Variants in ANXA3 observed in about 807,000 individuals in gnomAD.
ANXA3 encodes the protein 35-alpha calcimedin.
Under a neutral mutation model 48.8 loss-of-function variants are expected in ANXA3, and 46 were observed. The observed-to-expected ratio is 0.94, with a 90% CI of 0.74 to 1.21. ANXA3 has a LOEUF of 1.21. Ranked by LOEUF, ANXA3 falls within the 50% of genes most tolerant of loss-of-function variation. The pLI, the probability that ANXA3 is intolerant of heterozygous loss-of-function variation, is 0.00. For synonymous variants in ANXA3, 128 were observed against 134.7 expected, an observed-to-expected ratio of 0.95 and a Z score of 0.35; for missense variants, 383 against 378.6, an observed-to-expected ratio of 1.01 and a Z score of -0.10.
chr4:78,586,444 T>C, intron 6 of ANXA3, 94 bp downstream of exon 6: 1 of 867,618 alleles, frequency 1.2e-6, no homozygotes, highest in South Asian at 1.6e-5. Context: ...CATGAGGCAT[T>C]TTGAGAAGAC....
chr4:78,591,680 T>C (rs1723298978), intron 7 of ANXA3, 57 bp downstream of exon 7: 1 of 1,252,510 alleles, frequency 8.0e-7, no homozygotes, highest in Admixed American at 1.8e-5. Context: ...TCAATAACAA[T>C]TTTTAGGGAG....
At chr4:78,588,536 T>A (rs541501191) in intron 6 of ANXA3, among the ~76,000 whole-genome samples, 1 of 152,178 alleles carries the variant, frequency 6.6e-6, no homozygotes, top group Non-Finnish European at 1.5e-5. Context: ...GAAGCTAGAA[T>A]GAGGGACATA....
Position 78,598,071 on chromosome 4 carries a change from G to A in ANXA3, c.730+657G>A, listed in dbSNP as rs147349959. Among the ~76,000 whole-genome samples, 518 of 152,060 alleles carry A rather than the reference G, an allele frequency of 3.4e-3. 4 individuals carry two copies. Among genetic ancestry groups the A allele is most frequent in the Middle Eastern group, 0.024 (7 of 294 alleles). Reference sequence around the variant, plus strand: ...GTAGGCAAAGCACAGTGGCATGCACGTGTAGTCTTACCTACTTGGGAGGCT... The same window carrying A: ...GTAGGCAAAGCACAGTGGCATGCACATGTAGTCTTACCTACTTGGGAGGCT... On this transcript the variant is annotated intron_variant, in intron 10 of 12. Transcript: ENST00000264908.
intron 2 of ANXA3, among the ~76,000 whole-genome samples, chr4:78,559,406 C>T (rs1722582605): frequency 6.6e-6 from 1 of 152,090 alleles, no homozygotes; most frequent in African/African-American, 2.4e-5. Context: ...TTTAAATTAA[C>T]TCACAATCAT....
intron 12 of ANXA3, among the ~76,000 whole-genome samples, chr4:78,609,095 G>C (rs1323497624): frequency 6.6e-6 from 1 of 152,090 alleles, no homozygotes; most frequent in Non-Finnish European, 1.5e-5. Context: ...AAATGAACAA[G>C]AAATAAAGAA....
intron 2 of ANXA3, among the ~76,000 whole-genome samples, chr4:78,564,407 C>T (rs987023300): frequency 6.6e-6 from 1 of 152,116 alleles, no homozygotes; most frequent in African/African-American, 2.4e-5. Flanking sequence ...TAGTGTAGAG[C>T]TTGGAGAAAG....
rs753843147 is a variant in ANXA3, at chr4:78,579,063, A to C, written c.140A>C (p.Glu47Ala). 1.2e-6 allele frequency: 2 copies of C among 1,612,642 alleles called. No individual in the cohort carries two copies. Among genetic ancestry groups the C allele is most frequent in the African/African-American group, 2.7e-5 (2 of 74,912 alleles). ...AAAATGCTCATCAGCATTCTGACTG[A>C]GAGGTCAAATGCACAGCGGCAGCTG... Reference protein sequence around the residue: ...DEKMLISILTERSNAQRQLIV... With the variant: ...DEKMLISILTARSNAQRQLIV... Residue 47 changes from glutamate to alanine, a missense_variant, in exon 4 of 13, where the codon GAG becomes GCG. Coordinates refer to ENST00000264908, the MANE Select transcript of ANXA3 (RefSeq NM_005139.3).
chr4:78,555,400 T>G (rs1400511830), intron 2 of ANXA3, among the ~76,000 whole-genome samples: 1 of 151,944 alleles, frequency 6.6e-6, no homozygotes, highest in Admixed American at 6.6e-5. Flanking sequence ...AGGGAAAAAA[T>G]ATTTGCAGCA....
At chr4:78,565,694 G>A (rs572501928) in intron 2 of ANXA3, among the ~76,000 whole-genome samples, 5 of 152,264 alleles carry the variant, frequency 3.3e-5, no homozygotes, top group Middle Eastern at 3.4e-3. Flanking sequence ...TGTCTTAACC[G>A]CTCTGGACCC....
At chr4:78,586,146 T>C in intron 5 of ANXA3, 114 bp from the exon 6 acceptor site, 1 of 621,592 alleles carries the variant, frequency 1.6e-6, no homozygotes, top group Non-Finnish European at 2.7e-6. Flanking sequence ...GAGAACCTTG[T>C]ATTGATTTAC....
At chr4:78,606,524 T>C (rs78432829) in intron 12 of ANXA3, among the ~76,000 whole-genome samples, 23 of 152,284 alleles carry the variant, frequency 1.5e-4, no homozygotes, top group African/African-American at 5.3e-4. Flanking sequence ...TAGACCACAT[T>C]CCAGTGTCCC....
intron 3 of ANXA3, among the ~76,000 whole-genome samples, chr4:78,575,578 G>C (rs1032189342): frequency 1.3e-5 from 2 of 152,200 alleles, no homozygotes; most frequent in South Asian, 2.1e-4. Context: ...CTTCCACCAT[G>C]ATTGTGAGGC....
chr4:78,577,679 C>T (rs1039766480), intron 3 of ANXA3, among the ~76,000 whole-genome samples: 5 of 152,192 alleles, frequency 3.3e-5, no homozygotes, highest in Admixed American at 6.5e-5. Context: ...ACCACTGCCA[C>T]GGAAGTGTGT....
At chr4:78,605,310 G>C (rs1032406125) in intron 12 of ANXA3, among the ~76,000 whole-genome samples, 4 of 152,074 alleles carry the variant, frequency 2.6e-5, no homozygotes, top group Non-Finnish European at 5.9e-5. Context: ...AATCTGATAG[G>C]TGAGGAATTG....
intron 2 of ANXA3, among the ~76,000 whole-genome samples, chr4:78,563,347 C>T (rs1050215281): frequency 1.3e-5 from 2 of 152,160 alleles, no homozygotes; most frequent in Non-Finnish European, 2.9e-5. Flanking sequence ...TCCCCAAATC[C>T]TGCAAAGCCA....
At chr4:78,582,095 A>T in intron 4 of ANXA3, 82 bp from the exon 5 acceptor site, 2 of 802,842 alleles carry the variant, frequency 2.5e-6, no homozygotes, top group South Asian at 3.2e-5. Context: ...ATTTTGATAC[A>T]TATGTTCATC....
chr4:78,590,463 G>A (rs963250452), intron 6 of ANXA3, among the ~76,000 whole-genome samples: 3 of 152,144 alleles, frequency 2.0e-5, no homozygotes, highest in Non-Finnish European at 4.4e-5. Flanking sequence ...GATTTAAATA[G>A]ATGAGAATTC....
At chr4:78,556,524 A>G (rs1722514271) in intron 2 of ANXA3, among the ~76,000 whole-genome samples, 1 of 152,000 alleles carries the variant, frequency 6.6e-6, no homozygotes, top group African/African-American at 2.4e-5. Context: ...TCATGAGCAT[A>G]CATTATATTT....
intron 2 of ANXA3, among the ~76,000 whole-genome samples, chr4:78,570,452 C>T (rs1160273087): frequency 1.3e-5 from 2 of 152,198 alleles, no homozygotes; most frequent in African/African-American, 2.4e-5. Context: ...ATCTGCATGG[C>T]ACAGAATCAC....
Sources: gnomAD v4.1 joint callset for allele counts (sites outside exome capture counted in the v4.1 genomes callset) on GRCh38, gnomAD v4.1.1 for gene constraint, MANE v1.5 for transcripts, NCBI Gene and HGNC (gene_info 2026-07-23, HGNC 2026-07-21) for gene names.